Variants in IGFN1 observed in about 807,000 individuals in gnomAD.
The protein encoded by IGFN1 is immunoglobulin like and fibronectin type III domain containing 1.
A neutral mutation model predicts 289.5 loss-of-function variants in IGFN1; 253 were observed. The observed-to-expected ratio is 0.87, with a 90% CI of 0.79 to 0.97. The LOEUF is 0.97. Ranked by LOEUF, IGFN1 falls within the 50% of genes least tolerant of loss-of-function variation. IGFN1 has a pLI of 0.00. For synonymous variants in IGFN1, 1,706 were observed against 1,788.5 expected, an observed-to-expected ratio of 0.95 and a Z score of 1.16; for missense variants, 4,470 against 4,686.1, an observed-to-expected ratio of 0.95 and a Z score of 1.35.
intron 8 of IGFN1, among the ~76,000 whole-genome samples, chr1:201,200,987 A>C (rs1667127238): frequency 6.6e-6 from 1 of 151,990 alleles, no homozygotes; most frequent in African/African-American, 2.4e-5. Context: ...GCCTGCCACC[A>C]CACCCAGCTA....
intron 17 of IGFN1, 135 bp downstream of exon 17, chr1:201,217,595 C>T (rs1027584314): frequency 4.1e-5 from 36 of 870,994 alleles, no homozygotes; most frequent in African/African-American, 3.7e-4. Flanking sequence ...AGATATTTTT[C>T]GTGGTCACAA....
chr1:201,203,867 G>T lies in IGFN1; in HGVS notation c.877G>T (p.Glu293Ter). ...EDSGIYQVKV[E>*]DAVVFSTELE... ...CTCTGGCATTTACCAGGTCAAGGTG[G>T]AGGATGCTGTGGTCTTCTCCACAGA... The change falls in exon 10 of 24, where the codon GAG (glutamate) becomes TAG (stop). Residue 293 changes from glutamate (E) to a stop codon, truncating the protein, a stop_gained. Coordinates refer to ENST00000335211, the MANE Select transcript of IGFN1 (RefSeq NM_001164586.2). LOFTEE classifies it high-confidence loss of function. The T allele has an allele frequency of 6.4e-7, 1 of 1,551,726 alleles. No individual in the cohort carries two copies. Among genetic ancestry groups the T allele is most frequent in the Non-Finnish European group, 8.7e-7 (1 of 1,146,996 alleles).
intron 15 of IGFN1, chr1:201,216,127 C>A (rs1571480339): frequency 3.1e-6 from 2 of 651,694 alleles, no homozygotes; most frequent in East Asian, 5.6e-5. Flanking sequence ...GTCCCCAGCC[C>A]TGAGTGGTGC....
chr1:201,228,155 C>T (rs1654233090), intron 23 of IGFN1, among the ~76,000 whole-genome samples: 1 of 152,214 alleles, frequency 6.6e-6, no homozygotes, highest in South Asian at 2.1e-4. Flanking sequence ...CTTGTGTACA[C>T]ATGTAGTCCC....
intron 21 of IGFN1, 40 bp downstream of exon 21, chr1:201,224,914 G>T (rs373605881): frequency 1.5e-5 from 22 of 1,510,514 alleles, no homozygotes; most frequent in Admixed American, 1.9e-5. Flanking sequence ...CGCTGGCTCG[G>T]CCACTCACCA....
intron 20 of IGFN1, 147 bp from the exon 21 acceptor site, chr1:201,224,532 T>C: frequency 1.5e-6 from 1 of 648,784 alleles, no homozygotes; most frequent in South Asian, 2.0e-5. Flanking sequence ...CACCTGTGTT[T>C]TCTTGTCGAC....
At chr1:201,196,597 G>A (rs929740611) in intron 4 of IGFN1, among the ~76,000 whole-genome samples, 2 of 152,114 alleles carry the variant, frequency 1.3e-5, no homozygotes, top group East Asian at 1.9e-4. Flanking sequence ...CATCCGCCTC[G>A]GCATCCCAAA....
chr1:201,226,993 T>C lies in IGFN1; in HGVS notation c.10898T>C (p.Met3633Thr). The part of the protein sequence containing the change: ...HLLPQGCECC[M>T]SCAVQGSPRP... ...CTGCCCCAGGGCTGCGAGTGCTGCATGAGCTGTGCCGTGCAGGGCTCGCCC... is the reference window on the plus strand; with the variant it reads ...CTGCCCCAGGGCTGCGAGTGCTGCACGAGCTGTGCCGTGCAGGGCTCGCCC... Residue 3633 changes from methionine (M) to threonine (T), a missense_variant, in exon 23 of 24, where the codon ATG (methionine) becomes ACG (threonine). Met to Thr is a moderately conservative substitution (Grantham distance 81). Around this residue, in one of 8 missense-constraint regions of IGFN1, gnomAD observed 2,218 missense variants for 2,114.1 expected, o/e 1.05. Transcript: ENST00000335211. The C allele has an allele frequency of 6.2e-7, 1 of 1,613,158 alleles. No individual in the cohort carries two copies. The highest frequency in any genetic ancestry group is 8.5e-7 in the Non-Finnish European group (1 of 1,179,870).
Position 201,227,143 on chromosome 1 carries a change from A to T in IGFN1, c.11048A>T (p.Glu3683Val). The change falls in exon 23 of 24, where the codon GAG becomes GTG. Residue 3683 changes from glutamate (E) to valine (V), a missense_variant. This residue lies in a region of IGFN1 where 2,218 missense variants were observed against 2,114.1 expected (regional missense o/e 1.05). Coordinates refer to ENST00000335211, the MANE Select transcript of IGFN1 (RefSeq NM_001164586.2). ...IPSVSPKDSG[E>V]YKAVAENTLG... is the part of the protein sequence containing the mutation. ...AGCGTATCCCCGAAGGACAGCGGGG[A>T]GTACAAGGCTGTGGCTGAGAACACG... 1 of 1,613,174 alleles carries T rather than the reference A, an allele frequency of 6.2e-7. No homozygotes were observed. Among genetic ancestry groups the T allele is most frequent in the Non-Finnish European group, 8.5e-7 (1 of 1,179,920 alleles).
intron 16 of IGFN1, 80 bp from the exon 17 acceptor site, chr1:201,217,207 T>G: frequency 7.7e-7 from 1 of 1,299,134 alleles, no homozygotes; most frequent in Non-Finnish European, 1.1e-6. Flanking sequence ...CAGATGCCTG[T>G]GCCCCCTACC....
In IGFN1 at chr1:201,226,988, C is replaced by A. The variant is rs1373661100; in HGVS notation, c.10893C>A (p.Cys3631Ter). 1 of 1,613,202 alleles carries A rather than the reference C, an allele frequency of 6.2e-7. No individual in the cohort carries two copies. The highest frequency in any genetic ancestry group is 1.3e-5 in the African/African-American group (1 of 74,936). The change falls in exon 23 of 24, where the codon TGC (cysteine) becomes TGA (stop). Residue 3631 changes from cysteine (C) to a stop codon, truncating the protein, a stop_gained. Coordinates refer to ENST00000335211, the MANE Select transcript of IGFN1 (RefSeq NM_001164586.2). LOFTEE classifies it high-confidence loss of function. ...ACCTGCTGCCCCAGGGCTGCGAGTG[C>A]TGCATGAGCTGTGCCGTGCAGGGCT... Reference protein sequence around the residue: ...RSHLLPQGCECCMSCAVQGSP... With the variant: ...RSHLLPQGCE
At position 201,216,702 on chromosome 1, in the gene IGFN1, G is replaced by A. The variant is rs758253506; in HGVS notation, c.9544G>A (p.Glu3182Lys). 5 of 1,613,656 alleles carry A rather than the reference G, an allele frequency of 3.1e-6. No individual in the cohort carries two copies. The Admixed American group carries it at 8.3e-5, about 27-fold the overall frequency. ...YTFRVRAVTS[E>K]GAGEALESEE... ...CTTCCGAGTGCGGGCTGTGACCTCA[G>A]AGGGGGCTGGCGAGGCCCTGGAGTC... Residue 3182 changes from glutamate to lysine, a missense_variant, in exon 16 of 24, where the codon GAG becomes AAG. By Grantham distance (56) the Glu-to-Lys change is moderately conservative. Transcript: ENST00000335211.
rs1653183129 is a variant in IGFN1, at chr1:201,215,592, G to A, written c.9049G>A (p.Val3017Ile). 1.2e-6 allele frequency: 2 copies of A among 1,610,988 alleles called. No homozygotes were observed. Among genetic ancestry groups the A allele is most frequent in the Non-Finnish European group, 1.7e-6 (2 of 1,178,686 alleles). The change falls in exon 15 of 24, where the codon GTC becomes ATC. Residue 3017 changes from valine to isoleucine, a missense_variant. By Grantham distance (29) the Val-to-Ile change is conservative (BLOSUM62 3). This residue lies in a region of IGFN1 where 2,218 missense variants were observed against 2,114.1 expected (regional missense o/e 1.05). Coordinates refer to ENST00000335211, the MANE Select transcript of IGFN1 (RefSeq NM_001164586.2). ...AGAGAAACTGAGAGAGCCACTGGTG[G>A]TCAAGGCTGGGAAGCCGGTGATAGT... is the stretch of plus-strand genomic sequence containing the variant. ...VTEKLREPLVVKAGKPVIVKI... is the reference protein window; with the variant it reads ...VTEKLREPLVIKAGKPVIVKI...
At position 201,213,176 on chromosome 1, in the gene IGFN1, C is replaced by G. The variant is rs567026050; in HGVS notation, c.8283C>G (p.Ser2761Arg). The G allele has an allele frequency of 2.6e-5, 40 of 1,551,660 alleles. No individual in the cohort carries two copies. In the African/African-American group the frequency reaches 4.5e-4, roughly 17 times the overall value. ...RDRSGGTQDLSSQRGKGQRGG... is the reference protein window; with the variant it reads ...RDRSGGTQDLRSQRGKGQRGG... ...GGTCAGGAGGGACCCAGGACCTGAG[C>G]TCTCAGCGAGGCAAGGGACAGAGAG... The change falls in exon 12 of 24, where the codon AGC (serine) becomes AGG (arginine). Residue 2761 changes from serine (S) to arginine (R), a missense_variant. Coordinates refer to ENST00000335211, the MANE Select transcript of IGFN1 (RefSeq NM_001164586.2).
Position 201,227,264 on chromosome 1 carries a change from CTGCCTG to C in IGFN1, c.11113+58_11113+63del, listed in dbSNP as rs1045799199. The C allele has an allele frequency of 2.8e-6, 4 of 1,430,244 alleles. No homozygotes were observed. In the Admixed American group the frequency reaches 8.2e-5, roughly 29 times the overall value. The allele number at this position is 1,430,244 out of a possible 1,614,324, so 88.6% of individuals were successfully genotyped here. On this transcript the variant is annotated intron_variant, in intron 23 of 23. Transcript: ENST00000335211. ...GAAGGAGAGCCAGGAGAGCAACCAC[CTGCCTG>C]TCAGGGAGGCTCCGGGGGGTGCCTA...
chr1:201,226,978 G>A lies in IGFN1; in HGVS notation c.10883G>A (p.Gly3628Asp). 1 of 1,613,194 alleles carries A rather than the reference G, an allele frequency of 6.2e-7. No individual in the cohort carries two copies. The highest frequency in any genetic ancestry group is 8.5e-7 in the Non-Finnish European group (1 of 1,179,990). The change falls in exon 23 of 24, where the codon GGC becomes GAC. Residue 3628 changes from glycine (G) to aspartate (D), a missense_variant. Gly to Asp is a moderately conservative substitution (Grantham distance 94, BLOSUM62 -1). Transcript: ENST00000335211. The part of the protein sequence containing the change: ...VGLRSHLLPQ[G>D]CECCMSCAVQ... ...CTGCGGTCCCACCTGCTGCCCCAGGGCTGCGAGTGCTGCATGAGCTGTGCC... is the reference window on the plus strand; with the variant it reads ...CTGCGGTCCCACCTGCTGCCCCAGGACTGCGAGTGCTGCATGAGCTGTGCC...
rs1653376068 is a variant in IGFN1, at chr1:201,217,317, T to A, written c.9626T>A (p.Ile3209Asn). Reference sequence around the variant, plus strand: ...CCCAAGGCCCCTTCCGCGCCAGCCATCCTGTCGGCCTCCAGCCAGGGCATC... The same window carrying A: ...CCCAAGGCCCCTTCCGCGCCAGCCAACCTGTCGGCCTCCAGCCAGGGCATC... ...ALPKAPSAPA[I>N]LSASSQGITL... The change falls in exon 17 of 24, where the codon ATC becomes AAC. Residue 3209 changes from isoleucine to asparagine, a missense_variant. This residue lies in a region of IGFN1 where 2,218 missense variants were observed against 2,114.1 expected (regional missense o/e 1.05). Coordinates refer to ENST00000335211, the MANE Select transcript of IGFN1 (RefSeq NM_001164586.2). 2 of 1,614,022 alleles carry A rather than the reference T, an allele frequency of 1.2e-6. No homozygotes were observed. The highest frequency in any genetic ancestry group is 2.2e-5 in the South Asian group (2 of 91,070).
At chr1:201,221,020 C>T (rs1030082288) in intron 18 of IGFN1, among the ~76,000 whole-genome samples, 2 of 152,126 alleles carry the variant, frequency 1.3e-5, no homozygotes, top group African/African-American at 4.8e-5. Context: ...GAACAAGAAG[C>T]CTGCACTGAG....
At position 201,205,239 on chromosome 1, in the gene IGFN1, G is replaced by A. The variant is rs1667351492; in HGVS notation, c.1074G>A (p.Val358=). Residue 358 remains valine, a synonymous_variant, in exon 11 of 24, where the codon GTG becomes GTA. Coordinates refer to ENST00000335211, the MANE Select transcript of IGFN1 (RefSeq NM_001164586.2). ...LHPSDKYEVY[V]SPDGLTHRLV... ...CCAGTGACAAATATGAAGTGTATGT[G>A]TCCCCTGACGGGCTGACCCACCGGC... 2.6e-6 allele frequency: 4 copies of A among 1,550,988 alleles called. No individual in the cohort carries two copies. The highest frequency in any genetic ancestry group is 2.4e-5 in the East Asian group (1 of 40,914).
Sources: allele counts gnomAD v4.1 joint callset (sites outside exome capture counted in the v4.1 genomes callset), GRCh38; gene constraint gnomAD v4.1.1; regional missense constraint gnomAD v4.1.1; transcripts MANE v1.5; gene names NCBI Gene and HGNC (gene_info 2026-07-23, HGNC 2026-07-21).